The following ATP1B2 variants were observed in gnomAD, a reference collection of about 807,000 sequenced individuals.
The protein encoded by ATP1B2 is sodium/potassium-transporting ATPase subunit beta-2.
Under a neutral mutation model 37.3 loss-of-function variants are expected in ATP1B2, and 12 were observed. That is an observed-to-expected ratio of 0.32 (90% CI 0.21 to 0.52). The LOEUF (loss-of-function observed/expected upper bound fraction) is 0.52. ATP1B2 is among the 20% of genes least tolerant of loss of function. The pLI, the probability that ATP1B2 is intolerant of heterozygous loss-of-function variation, is 0.96. For missense variants in ATP1B2, 324 were observed against 391.6 expected, an observed-to-expected ratio of 0.83 and a Z score of 1.46; for synonymous variants, 139 against 140.5, an observed-to-expected ratio of 0.99 and a Z score of 0.07.
chr17:7,651,467 C>T lies in ATP1B2; in HGVS notation c.-52C>T, dbSNP rs939687773. 6.7e-6 allele frequency: 10 copies of T among 1,503,704 alleles called. No individual in the cohort carries two copies. The Admixed American group carries it at 1.6e-4, about 24-fold the overall frequency. 93.1% of individuals were successfully genotyped at this position (1,503,704 alleles called of 1,614,324 possible). A position where few individuals can be genotyped will look rare whatever the true frequency, so the allele number is the denominator to read the frequency against. The stretch of plus-strand genomic sequence containing the variant: ...GGAGGGCTTCAGCGCGCGGCGCCCC[C>T]GCTTCTCCGCAACCCCCCGCCCCGC... On this transcript the variant is annotated 5_prime_UTR_variant, in exon 1 of 7. Coordinates refer to ENST00000250111, the MANE Select transcript of ATP1B2 (RefSeq NM_001678.5).
chr17:7,652,106 C>T (rs2072618056), intron 1 of ATP1B2, among the ~76,000 whole-genome samples: 1 of 152,030 alleles, frequency 6.6e-6, no homozygotes, highest in African/African-American at 2.4e-5. Flanking sequence ...CGGAAGTTGT[C>T]TGTATCCCAC....
At chr17:7,651,681 T>A (rs1436035480) in intron 1 of ATP1B2, 51 bp downstream of exon 1, 2 of 1,499,800 alleles carry the variant, frequency 1.3e-6, no homozygotes, top group Non-Finnish European at 1.8e-6. Context: ...GGGCGACGCC[T>A]CGGGGGCGCA....
In ATP1B2 at chr17:7,654,746, G is replaced by A. The variant is rs777080987; in HGVS notation, c.609+62G>A. The A allele has an allele frequency of 1.6e-5, 25 of 1,565,552 alleles. No homozygotes were observed. The highest frequency in any genetic ancestry group is 2.6e-6 in the Non-Finnish European group (3 of 1,136,048). ...GTGGCTCACCTGAGTGTCCTTCATG[G>A]TTTCTGTGTAATTCACCTGTCTCTC... On this transcript the variant is annotated intron_variant, in intron 5 of 6. Coordinates refer to ENST00000250111, the MANE Select transcript of ATP1B2 (RefSeq NM_001678.5). This position sits in a 1 kb window ranked among gnomAD's most constrained non-coding sequence, Gnocchi z 4.9.
In ATP1B2 at chr17:7,654,354, G is replaced by C. The variant is rs1412185520; in HGVS notation, c.552+97G>C. Reference sequence around the variant, plus strand: ...CTTTCACTGGGGCTAATGGGCATGAGAAAGACTTGGATGTTTGTGTAGCTG... The same window carrying C: ...CTTTCACTGGGGCTAATGGGCATGACAAAGACTTGGATGTTTGTGTAGCTG... On this transcript the variant is annotated intron_variant, in intron 4 of 6. Transcript: ENST00000250111. The surrounding 1 kb of genome is among the most constrained non-coding windows in gnomAD (Gnocchi z 4.9). The C allele has an allele frequency of 1.5e-6, 2 of 1,373,574 alleles. No homozygotes were observed. The highest frequency in any genetic ancestry group is 4.6e-5 in the East Asian group (2 of 43,602). 85.1% of individuals were successfully genotyped at this position (1,373,574 alleles called of 1,614,324 possible).
upstream of ATP1B2, among the ~76,000 whole-genome samples, chr17:7,649,973 T>C (rs1360346253): frequency 2.6e-5 from 4 of 152,194 alleles, no homozygotes; most frequent in African/African-American, 9.7e-5. Context: ...ATTACAGGCA[T>C]AAGCCACCGT....
At position 7,653,387 on chromosome 17, in the gene ATP1B2, C is replaced by T. The variant is rs749987809; in HGVS notation, c.126C>T (p.Leu42=). The T allele has an allele frequency of 2.5e-6, 4 of 1,613,982 alleles. No individual in the cohort carries two copies. The highest frequency in any genetic ancestry group is 3.4e-6 in the Non-Finnish European group (4 of 1,180,002). The stretch of plus-strand genomic sequence containing the variant: ...CCTCCTCCCTAGCCTTTATCCTCCT[C>T]TTCTACCTCGTTTTTTATGGGTTCC... ...RTGTSWAFIL[L]FYLVFYGFLT... is the part of the protein sequence containing the mutation. Residue 42 remains leucine (L), a synonymous_variant, in exon 2 of 7, where the codon CTC becomes CTT. Coordinates refer to ENST00000250111, the MANE Select transcript of ATP1B2 (RefSeq NM_001678.5).
rs767443988 is a variant in ATP1B2, at chr17:7,655,689, C to G, written c.709-42C>G. 3 of 1,613,784 alleles carry G rather than the reference C, an allele frequency of 1.9e-6. No homozygotes were observed. Among genetic ancestry groups the G allele is most frequent in the Non-Finnish European group, 2.5e-6 (3 of 1,179,832 alleles). ...GGTGGTGAGCTAGGGAAGGAGGCCGCGTTGCCCCAGGCCTAGACCCTGCAC... is the reference window on the plus strand; with the variant it reads ...GGTGGTGAGCTAGGGAAGGAGGCCGGGTTGCCCCAGGCCTAGACCCTGCAC... On this transcript the variant is annotated intron_variant, in intron 6 of 6. Transcript: ENST00000250111. The surrounding 1 kb of genome is among the most constrained non-coding windows in gnomAD (Gnocchi z 4.4).
In ATP1B2 at chr17:7,651,548, C is replaced by T; in HGVS notation, c.30C>T (p.Cys10=). The T allele has an allele frequency of 2.5e-6, 4 of 1,606,394 alleles. No homozygotes were observed. Among genetic ancestry groups the T allele is most frequent in the Non-Finnish European group, 3.4e-6 (4 of 1,176,558 alleles). Reference sequence around the variant, plus strand: ...TCATCCAGAAAGAGAAGAAGAGCTGCGGGCAGGTGGTTGAGGAGTGGAAGG... The same window carrying T: ...TCATCCAGAAAGAGAAGAAGAGCTGTGGGCAGGTGGTTGAGGAGTGGAAGG... MVIQKEKKS[C]GQVVEEWKEF... The change falls in exon 1 of 7, where the codon TGC becomes TGT. Residue 10 remains cysteine (C), a synonymous_variant. Transcript: ENST00000250111.
At chr17:7,649,807 C>T (rs867140268), upstream of ATP1B2, among the ~76,000 whole-genome samples, 1 of 152,042 alleles carries the variant, frequency 6.6e-6, no homozygotes, top group South Asian at 2.1e-4. Context: ...ATCCACCCAC[C>T]TCGGCCTCCC....
upstream of ATP1B2, among the ~76,000 whole-genome samples, chr17:7,650,430 T>C (rs971188628): frequency 1.3e-5 from 2 of 151,972 alleles, no homozygotes; most frequent in African/African-American, 4.8e-5. Flanking sequence ...GGGTGGCCTT[T>C]ATCCATCTCT....
At position 7,656,799 on chromosome 17, in the gene ATP1B2, G is replaced by C. The variant is rs1567533501; in HGVS notation, c.*904G>C. On this transcript the variant is annotated 3_prime_UTR_variant, in exon 7 of 7. Coordinates refer to ENST00000250111, the MANE Select transcript of ATP1B2 (RefSeq NM_001678.5). ...AGGTTCCCGAGTAGCTGGGACTACA[G>C]GCATGTGCCACCATGCCCGGCTAAT... is the stretch of plus-strand genomic sequence containing the variant. 6.6e-6 allele frequency: 1 copy of C among 151,894 alleles called. No homozygotes were observed. The allele number at this position is 151,894 out of a possible 1,614,324, so 9.4% of individuals were successfully genotyped here. A position where few individuals can be genotyped will look rare whatever the true frequency, so the allele number is the denominator to read the frequency against.
At position 7,655,452 on chromosome 17, in the gene ATP1B2, AATGG is replaced by A; in HGVS notation, c.610-73_610-70del. 7.0e-7 allele frequency: 1 copy of A among 1,422,624 alleles called. No homozygotes were observed. Among genetic ancestry groups the A allele is most frequent in the Non-Finnish European group, 9.9e-7 (1 of 1,011,440 alleles). 88.1% of individuals were successfully genotyped at this position (1,422,624 alleles called of 1,614,324 possible). ...GGGGCGAAGGAAGAACAAAAGAACA[AATGG>A]AAGTCTGGTGAGCTCCTGGGTGCCT... is the stretch of plus-strand genomic sequence containing the variant. On this transcript the variant is annotated intron_variant, in intron 5 of 6. Coordinates refer to ENST00000250111, the MANE Select transcript of ATP1B2 (RefSeq NM_001678.5). This position sits in a 1 kb window ranked among gnomAD's most constrained non-coding sequence, Gnocchi z 4.4.
chr17:7,651,117 T>C lies in ATP1B2; in HGVS notation c.-402T>C. On this transcript the variant is annotated 5_prime_UTR_variant, in exon 1 of 7. Coordinates refer to ENST00000250111, the MANE Select transcript of ATP1B2 (RefSeq NM_001678.5). The stretch of plus-strand genomic sequence containing the variant: ...TTTCGGGGCGGCCCCCTCCCCCACC[T>C]CTCTCTGCCTTTTTGTACCCCGCTT... 2 of 198,744 alleles carry C rather than the reference T, an allele frequency of 1.0e-5. No homozygotes were observed. Among genetic ancestry groups the C allele is most frequent in the Non-Finnish European group, 2.1e-5 (2 of 96,538 alleles). The allele number at this position is 198,744 out of a possible 1,614,324, so 12.3% of individuals were successfully genotyped here. A position where few individuals can be genotyped will look rare whatever the true frequency, so the allele number is the denominator to read the frequency against.
rs767957693 is a variant in ATP1B2 at position 7,655,501 on chromosome 17, C to G, written c.610-26C>G. ...GTGCCTGCCATCCCTAACTGGCTCA[C>G]CCCCTATCTTCCTGCACCCCCACAG... On this transcript the variant is annotated intron_variant, in intron 5 of 6. Transcript: ENST00000250111. This position sits in a 1 kb window ranked among gnomAD's most constrained non-coding sequence, Gnocchi z 4.4. The G allele has an allele frequency of 1.2e-6, 2 of 1,611,992 alleles. No homozygotes were observed. Among genetic ancestry groups the G allele is most frequent in the Admixed American group, 3.3e-5 (2 of 59,954 alleles).
chr17:7,647,775 C>T (rs778691631), upstream of ATP1B2, among the ~76,000 whole-genome samples: 6 of 151,164 alleles, frequency 4.0e-5, no homozygotes, highest in South Asian at 2.1e-4. Flanking sequence ...GCCAAGATCG[C>T]GCCATTGCAC....
chr17:7,646,665 C>T (rs570266561), upstream of ATP1B2: 10 of 152,326 alleles, frequency 6.6e-5, no homozygotes, highest in East Asian at 5.8e-4. Context: ...GAACCTACAA[C>T]GTGTGGGAGT....
intron 1 of ATP1B2, among the ~76,000 whole-genome samples, chr17:7,651,999 A>C (rs2072617107): frequency 6.6e-6 from 1 of 151,958 alleles, no homozygotes; most frequent in African/African-American, 2.4e-5. Flanking sequence ...CTAGCTCCGC[A>C]GCCCCGTCTA....
Position 7,655,130 on chromosome 17 carries a change from C to G in ATP1B2, c.610-397C>G. Reference sequence around the variant, plus strand: ...CCTTGGGACCCTGTTCCCCGCTTCCCCCCCGGTCTGTCCTTTCTAGAAACT... The same window carrying G: ...CCTTGGGACCCTGTTCCCCGCTTCCGCCCCGGTCTGTCCTTTCTAGAAACT... On this transcript the variant is annotated intron_variant, in intron 5 of 6. Coordinates refer to ENST00000250111, the MANE Select transcript of ATP1B2 (RefSeq NM_001678.5). The surrounding 1 kb of genome is among the most constrained non-coding windows in gnomAD (Gnocchi z 4.4). 3.1e-6 allele frequency: 1 copy of G among 321,828 alleles called. No homozygotes were observed. Among genetic ancestry groups the G allele is most frequent in the East Asian group, 7.1e-5 (1 of 14,078 alleles). 19.9% of individuals were successfully genotyped at this position (321,828 alleles called of 1,614,324 possible).
upstream of ATP1B2, among the ~76,000 whole-genome samples, chr17:7,649,981 C>G (rs886337394): frequency 1.3e-5 from 2 of 152,144 alleles, no homozygotes; most frequent in South Asian, 2.1e-4. Context: ...CATAAGCCAC[C>G]GTGCCCGGCT....
Sources: allele counts gnomAD v4.1 joint callset (sites outside exome capture counted in the v4.1 genomes callset), GRCh38; gene constraint gnomAD v4.1.1; non-coding constraint Gnocchi (gnomAD v3.1); transcripts MANE v1.5; gene names NCBI Gene and HGNC (gene_info 2026-07-23, HGNC 2026-07-21).